The following SEMA6D variants were observed in gnomAD, a reference collection of about 807,000 sequenced individuals.
SEMA6D encodes semaphorin-6D.
Under a neutral mutation model 106.6 loss-of-function variants are expected in SEMA6D, and 35 were observed. The ratio of observed to expected loss-of-function variants is 0.33; its 90% CI spans 0.25 to 0.44. SEMA6D has a LOEUF of 0.44. Ranked by LOEUF, SEMA6D falls within the 20% of genes least tolerant of loss-of-function variation. The probability of loss-of-function intolerance (pLI) is 1.00; values close to 1 mark genes in which losing one functional copy is unlikely to be tolerated. For synonymous variants in SEMA6D, 499 were observed against 487.7 expected (o/e 1.02, Z -0.31); for missense variants, 1,185 against 1,345.9 (o/e 0.88, Z 1.87).
At chr15:47,186,929 A>G (rs1893613623) in intron 1 of SEMA6D, among the ~76,000 whole-genome samples, 1 of 152,222 alleles carries the variant, frequency 6.6e-6, no homozygotes, top group Admixed American at 6.5e-5. Flanking sequence ...AGTGTTGCCA[A>G]GATAATTATA....
intron 2 of SEMA6D, among the ~76,000 whole-genome samples, chr15:47,462,072 A>G (rs1665868831): frequency 6.6e-6 from 1 of 151,976 alleles, no homozygotes; most frequent in African/African-American, 2.4e-5. Flanking sequence ...TTCATTTCAA[A>G]TCTTGGTACT....
At chr15:47,753,123 A>G (rs989015302) in intron 1 of SEMA6D, among the ~76,000 whole-genome samples, 1 of 152,208 alleles carries the variant, frequency 6.6e-6, no homozygotes, top group African/African-American at 2.4e-5. Context: ...GCTGTGGGGC[A>G]GGAGGGAGGA....
intron 1 of SEMA6D, among the ~76,000 whole-genome samples, chr15:47,292,030 CTCT>C (rs1566977265): frequency 1.3e-5 from 2 of 152,218 alleles, no homozygotes; most frequent in African/African-American, 2.4e-5. Flanking sequence ...CTCAGGAAAT[CTCT>C]TTTCTCCAAT....
chr15:47,469,086 A>G (rs939092514), intron 2 of SEMA6D, among the ~76,000 whole-genome samples: 3 of 152,216 alleles, frequency 2.0e-5, no homozygotes, highest in Non-Finnish European at 4.4e-5. Context: ...ACTCAATGGC[A>G]TAGTGAGTAG....
chr15:47,574,136 C>A (rs1258899307), intron 3 of SEMA6D, among the ~76,000 whole-genome samples: 1 of 152,176 alleles, frequency 6.6e-6, no homozygotes, highest in Non-Finnish European at 1.5e-5. Context: ...TTGTGTACCT[C>A]TAGAAAATTC....
At chr15:47,296,233 G>T (rs567509495) in intron 1 of SEMA6D, among the ~76,000 whole-genome samples, 2 of 152,264 alleles carry the variant, frequency 1.3e-5, no homozygotes, top group South Asian at 4.1e-4. Context: ...CTACAGACAG[G>T]AATAATCTGA....
chr15:47,498,036 T>A (rs182925739), intron 3 of SEMA6D, among the ~76,000 whole-genome samples: 181 of 152,290 alleles, frequency 1.2e-3, no homozygotes, highest in African/African-American at 4.2e-3. Context: ...TCTTAAAGCA[T>A]GGTTCCAATA....
chr15:47,390,733 G>A (rs2040000900), intron 1 of SEMA6D, among the ~76,000 whole-genome samples: 1 of 152,116 alleles, frequency 6.6e-6, no homozygotes, highest in African/African-American at 2.4e-5. Flanking sequence ...ACATTAGTAG[G>A]TGATAACCTC....
chr15:47,243,638 T>A (rs371900446), intron 1 of SEMA6D, among the ~76,000 whole-genome samples: 38 of 152,300 alleles, frequency 2.5e-4, no homozygotes, highest in African/African-American at 8.9e-4. Flanking sequence ...GTGTTTTTAC[T>A]GCTCTGTGTA....
intron 1 of SEMA6D, among the ~76,000 whole-genome samples, chr15:47,733,416 C>G (rs1408687393): frequency 6.6e-6 from 1 of 152,192 alleles, no homozygotes; most frequent in African/African-American, 2.4e-5. Flanking sequence ...AAATTAACCA[C>G]CTAGATTTTC....
At chr15:47,297,873 C>T (rs932054000) in intron 1 of SEMA6D, among the ~76,000 whole-genome samples, 2 of 151,918 alleles carry the variant, frequency 1.3e-5, no homozygotes, top group African/African-American at 4.8e-5. Context: ...GGAAAGCCAA[C>T]ACAAATGAGA....
intron 1 of SEMA6D, among the ~76,000 whole-genome samples, chr15:47,749,616 G>A (rs919325404): frequency 1.3e-5 from 2 of 152,186 alleles, no homozygotes; most frequent in East Asian, 3.8e-4. Flanking sequence ...AAATTCAGCA[G>A]GAGAAGTCAA....
At chr15:47,275,815 GAGTA>G (rs963809058) in intron 1 of SEMA6D, among the ~76,000 whole-genome samples, 8 of 152,126 alleles carry the variant, frequency 5.3e-5, no homozygotes, top group African/African-American at 1.7e-4. Flanking sequence ...TGATTAAGCT[GAGTA>G]AGTAAGTCCT....
At chr15:47,423,612 AT>A (rs894355814) in intron 2 of SEMA6D, among the ~76,000 whole-genome samples, 66 of 150,286 alleles carry the variant, frequency 4.4e-4, no homozygotes, top group South Asian at 2.1e-3. Flanking sequence ...TAAAGAAATC[AT>A]TTTTTTTTTC....
At chr15:47,750,583 C>T (rs936353134) in intron 1 of SEMA6D, among the ~76,000 whole-genome samples, 8 of 152,198 alleles carry the variant, frequency 5.3e-5, no homozygotes, top group Admixed American at 3.9e-4. Flanking sequence ...CTTCAGAATG[C>T]ACATTTCACA....
chr15:47,466,941 C>G (rs948130669), intron 2 of SEMA6D, among the ~76,000 whole-genome samples: 8 of 149,954 alleles, frequency 5.3e-5, no homozygotes, highest in African/African-American at 1.7e-4. Context: ...GTTGGCCAGG[C>G]TGATCTCAAA....
chr15:47,278,580 G>A (rs1369420897), intron 1 of SEMA6D, among the ~76,000 whole-genome samples: 1 of 152,074 alleles, frequency 6.6e-6, no homozygotes, highest in Admixed American at 6.6e-5. Flanking sequence ...TCAATCTGAT[G>A]GTAGTTTCTT....
chr15:47,227,790 C>T (rs539219505), intron 1 of SEMA6D, among the ~76,000 whole-genome samples: 15 of 149,242 alleles, frequency 1.0e-4, no homozygotes, highest in African/African-American at 2.2e-4. Context: ...TGATATATGA[C>T]GTTGTGTGAA....
intron 3 of SEMA6D, among the ~76,000 whole-genome samples, chr15:47,534,164 C>A (rs147160160): frequency 8.0e-4 from 121 of 151,906 alleles, no homozygotes; most frequent in African/African-American, 2.8e-3. Flanking sequence ...ACACTACTAG[C>A]AAGAAGGTAT....
Sources: allele counts gnomAD v4.1 joint callset (sites outside exome capture counted in the v4.1 genomes callset), GRCh38; gene constraint gnomAD v4.1.1; transcripts MANE v1.5; gene names NCBI Gene and HGNC (gene_info 2026-07-23, HGNC 2026-07-21).